Variants in ARHGAP19 observed in about 807,000 individuals in gnomAD.
ARHGAP19 encodes rho GTPase-activating protein 19.
Under a neutral mutation model 60.9 loss-of-function variants are expected in ARHGAP19, and 48 were observed. The observed-to-expected ratio is 0.79, with a 90% CI of 0.62 to 1.00. The LOEUF is 1.00. Ranked by LOEUF, ARHGAP19 falls within the 50% of genes least tolerant of loss-of-function variation. The pLI is 0.00. For synonymous variants in ARHGAP19, 209 were observed against 215.5 expected (o/e 0.97, Z 0.27); for missense variants, 562 against 597.2 (o/e 0.94, Z 0.61).
intron 1 of ARHGAP19, among the ~76,000 whole-genome samples, chr10:97,281,223 A>G (rs1334429946): frequency 4.4e-5 from 1 of 22,516 alleles, no homozygotes; most frequent in Non-Finnish European, 1.2e-4. Context: ...TCACTACAAA[A>G]AAAAAAAAAA....
At chr10:97,253,756 T>A (rs1842720372) in intron 6 of ARHGAP19, among the ~76,000 whole-genome samples, 1 of 152,174 alleles carries the variant, frequency 6.6e-6, no homozygotes, top group African/African-American at 2.4e-5. Context: ...ATGTACCCAA[T>A]AAATATGTAC....
chr10:97,241,015 T>C (rs1842470802), intron 8 of ARHGAP19, among the ~76,000 whole-genome samples: 1 of 152,192 alleles, frequency 6.6e-6, no homozygotes, highest in Non-Finnish European at 1.5e-5. Context: ...AATAAAATTA[T>C]AGTTTCTTCA....
At chr10:97,242,324 CTT>C (rs1164708198) in intron 8 of ARHGAP19, among the ~76,000 whole-genome samples, 1,034 of 55,494 alleles carry the variant, frequency 0.019, 6 homozygotes, top group African/African-American at 0.07. Flanking sequence ...TATCAGTGTT[CTT>C]TTTTTTTTTT....
rs1246422351 is a variant in ARHGAP19 at position 97,224,119 on chromosome 10, G to A, written c.*2003C>T. 6.6e-6 allele frequency: 1 copy of A among 152,242 alleles called. No individual in the cohort carries two copies. The highest frequency in any genetic ancestry group is 2.4e-5 in the African/African-American group (1 of 41,522). 9.4% of individuals were successfully genotyped at this position (152,242 alleles called of 1,614,324 possible). ...CTTAAATAGAATCAAAAACTAACACGATGACAGGAGCTATCAGGTCACCAC... is the reference window on the plus strand; with the variant it reads ...CTTAAATAGAATCAAAAACTAACACAATGACAGGAGCTATCAGGTCACCAC... On this transcript the variant is annotated 3_prime_UTR_variant, in exon 12 of 12. Coordinates refer to ENST00000358531, the MANE Select transcript of ARHGAP19 (RefSeq NM_032900.6).
chr10:97,244,125 T>A lies in ARHGAP19; in HGVS notation c.1028A>T (p.Lys343Met), dbSNP rs1189069209. The A allele has an allele frequency of 1.2e-6, 2 of 1,613,698 alleles. No individual in the cohort carries two copies. The highest frequency in any genetic ancestry group is 4.5e-5 in the East Asian group (2 of 44,882). ...DLDLIASCHT[K>M]SFQLAKSQKR... ...CTGAGACTTTGCCAGCTGAAAGGAC[T>A]TAGTATGACATGAAGCTATGAGGTC... Residue 343 changes from lysine to methionine, a missense_variant, in exon 8 of 12, where the codon AAG becomes ATG. Physicochemically the swap from Lys to Met is moderately conservative, Grantham distance 95. Coordinates refer to ENST00000358531, the MANE Select transcript of ARHGAP19 (RefSeq NM_032900.6).
At chr10:97,242,000 ACT>A (rs1842490581) in intron 8 of ARHGAP19, among the ~76,000 whole-genome samples, 1 of 148,022 alleles carries the variant, frequency 6.8e-6, no homozygotes, top group Non-Finnish European at 1.5e-5. Flanking sequence ...ACAGAGTGAG[ACT>A]CTGCCTCAAA....
At chr10:97,267,653 C>T (rs1471000476) in intron 1 of ARHGAP19, among the ~76,000 whole-genome samples, 6 of 152,266 alleles carry the variant, frequency 3.9e-5, no homozygotes, top group Admixed American at 2.6e-4. Flanking sequence ...GGTTCCCAAA[C>T]CTCAATTCTT....
At chr10:97,283,384 G>A (rs1307883385) in intron 1 of ARHGAP19, among the ~76,000 whole-genome samples, 18 of 151,508 alleles carry the variant, frequency 1.2e-4, no homozygotes, top group East Asian at 4.0e-4. Context: ...GTGATACCCC[G>A]TCTCTACTAA....
Position 97,239,553 on chromosome 10 carries a change from TG to T in ARHGAP19, c.1186-4239del, listed in dbSNP as rs1564713518. Among the ~76,000 whole-genome samples, 80 of 10,302 alleles carry T rather than the reference TG, an allele frequency of 7.8e-3. 1 individual carries two copies. Among genetic ancestry groups the T allele is most frequent in the Middle Eastern group, 0.042 (1 of 24 alleles). 6.8% of individuals were successfully genotyped at this position (10,302 alleles called of 152,430 possible). ...GGGAGTGAGAGAGAGAGAGAGAGGG[TG>T]TGTGTGTGTGTGTGTGTGTGTGTGT... On this transcript the variant is annotated intron_variant, in intron 8 of 11. Transcript: ENST00000358531.
At chr10:97,237,537 C>CT (rs1466165456) in intron 8 of ARHGAP19, among the ~76,000 whole-genome samples, 2 of 152,090 alleles carry the variant, frequency 1.3e-5, no homozygotes, top group Non-Finnish European at 2.9e-5. Flanking sequence ...GTATAAAAGT[C>CT]TAGTACATAC....
intron 1 of ARHGAP19, among the ~76,000 whole-genome samples, chr10:97,280,784 T>C (rs1296283605): frequency 2.0e-5 from 3 of 152,042 alleles, no homozygotes; most frequent in African/African-American, 7.2e-5. Context: ...AGGGTCTCAC[T>C]ATGTTGACCA....
At chr10:97,288,559 G>A (rs552891176) in intron 1 of ARHGAP19, among the ~76,000 whole-genome samples, 52 of 145,766 alleles carry the variant, frequency 3.6e-4, no homozygotes, top group African/African-American at 1.3e-3. Flanking sequence ...CCAGCCTGGT[G>A]ACAGAGCAAG....
intron 8 of ARHGAP19, among the ~76,000 whole-genome samples, 158 bp downstream of exon 8, chr10:97,243,810 G>A (rs1255779788): frequency 6.6e-6 from 1 of 152,112 alleles, no homozygotes; most frequent in Non-Finnish European, 1.5e-5. Context: ...TTCTGTAGTG[G>A]AGCAATGGCA....
chr10:97,282,843 T>TC (rs1164640161), intron 1 of ARHGAP19, among the ~76,000 whole-genome samples: 1 of 131,768 alleles, frequency 7.6e-6, no homozygotes, highest in African/African-American at 2.7e-5. Context: ...TTTTTTCTTT[T>TC]TTTTTTTTTT....
intron 1 of ARHGAP19, among the ~76,000 whole-genome samples, chr10:97,267,078 C>A (rs1432765925): frequency 6.6e-6 from 1 of 152,210 alleles, no homozygotes. Context: ...AGGCAAGTCC[C>A]TTCTGCCTAT....
rs139188572 is a variant in ARHGAP19, at chr10:97,230,969, A to G, written c.1285-1095T>C. On this transcript the variant is annotated intron_variant, in intron 9 of 11. Transcript: ENST00000358531. ...CTACTCGGGAGGCCGAGGCATGAGAATCACTTGAACCCAGGAAGTGGAAGT... is the reference window on the plus strand; with the variant it reads ...CTACTCGGGAGGCCGAGGCATGAGAGTCACTTGAACCCAGGAAGTGGAAGT... 8.1e-5 allele frequency among the ~76,000 whole-genome samples: 12 copies of G among 148,134 alleles called. No individual in the cohort carries two copies. The East Asian group carries it at 1.6e-3, about 20-fold the overall frequency.
chr10:97,269,978 GT>G (rs1025686493), intron 1 of ARHGAP19, among the ~76,000 whole-genome samples: 15 of 152,048 alleles, frequency 9.9e-5, no homozygotes, highest in African/African-American at 2.9e-4. Flanking sequence ...AACATGTATC[GT>G]TTTTCAATAG....
intron 4 of ARHGAP19, among the ~76,000 whole-genome samples, chr10:97,262,602 T>C (rs1255055712): frequency 6.6e-6 from 1 of 150,818 alleles, no homozygotes; most frequent in African/African-American, 2.4e-5. Context: ...GAGGCGGAGG[T>C]TGCAGTGAGC....
intron 6 of ARHGAP19, among the ~76,000 whole-genome samples, chr10:97,255,525 C>T (rs1258800351): frequency 6.6e-6 from 1 of 151,894 alleles, no homozygotes; most frequent in Admixed American, 6.6e-5. Flanking sequence ...TGCAGTGAGC[C>T]AAGACTGTAC....
Sources: allele counts gnomAD v4.1 joint callset (sites outside exome capture counted in the v4.1 genomes callset), GRCh38; gene constraint gnomAD v4.1.1; transcripts MANE v1.5; gene names NCBI Gene and HGNC (gene_info 2026-07-23, HGNC 2026-07-21).